WASHC4: variants seen among roughly 807,000 people sequenced by gnomAD.
WASHC4 encodes WASH complex subunit 4.
Under a neutral mutation model 166.6 loss-of-function variants are expected in WASHC4, and 86 were observed. That is an observed-to-expected ratio of 0.52 (90% CI 0.43 to 0.62). The LOEUF (loss-of-function observed/expected upper bound fraction) is 0.62. Among genes scored for constraint, WASHC4 ranks in the 20% least tolerant of loss-of-function variants. The pLI is 0.00. For synonymous variants in WASHC4, 446 were observed against 451.6 expected (o/e 0.99, Z 0.16); for missense variants, 1,262 against 1,382.4 (o/e 0.91, Z 1.38).
chr12:105,148,305 CTG>C (rs1883477707), intron 24 of WASHC4: 1 of 985,322 alleles, frequency 1.0e-6, no homozygotes, highest in Non-Finnish European at 1.2e-6. Flanking sequence ...ATAAATAAAA[CTG>C]AACTTTTGAG....
chr12:105,147,435 A>T (rs1883388897), intron 24 of WASHC4: 1 of 423,086 alleles, frequency 2.4e-6, no homozygotes, highest in East Asian at 5.1e-5. Flanking sequence ...GTGTGTGCAC[A>T]CATATATATA....
intron 4 of WASHC4, among the ~76,000 whole-genome samples, 190 bp from the exon 5 acceptor site, chr12:105,114,994 C>T (rs773897182): frequency 7.2e-5 from 11 of 151,830 alleles, no homozygotes; most frequent in Admixed American, 3.3e-4. Context: ...CAAGATACAG[C>T]TTTGAGTATC....
At chr12:105,148,758 G>C (rs980567906) in intron 24 of WASHC4, 11 of 985,272 alleles carry the variant, frequency 1.1e-5, no homozygotes, top group Non-Finnish European at 1.2e-5. Context: ...TAATACTTGA[G>C]AGTTAGTGGG....
At chr12:105,138,090 T>C in intron 15 of WASHC4, 79 bp downstream of exon 15, 1 of 1,399,396 alleles carries the variant, frequency 7.1e-7, no homozygotes, top group Non-Finnish European at 9.8e-7. Context: ...TTGTAAGGTT[T>C]GACTACATGA....
intron 26 of WASHC4, 98 bp from the exon 27 acceptor site, chr12:105,156,628 A>C (rs1431847006): frequency 1.3e-5 from 13 of 978,580 alleles, no homozygotes; most frequent in Non-Finnish European, 1.9e-5. Context: ...GGTTCTTAGG[A>C]GTGGAAACCT....
intron 7 of WASHC4, among the ~76,000 whole-genome samples, chr12:105,119,333 T>C (rs959801985): frequency 1.2e-4 from 19 of 152,320 alleles, no homozygotes; most frequent in Admixed American, 3.3e-4. Context: ...TACTTAAAAT[T>C]TTTTTTCCAC....
chr12:105,144,422 A>G lies in WASHC4; in HGVS notation c.2146A>G (p.Ile716Val), dbSNP rs1370883535. ...GGCTCTTTTTTTCTCTCTGAATCCA[A>G]TTCGGTTTTTCAATCGTTTCATTGA... ...DLALFFSLNP[I>V]RFFNRFIDIR... The change falls in exon 21 of 33, where the codon ATT becomes GTT. Residue 716 changes from isoleucine (I) to valine (V), a missense_variant. Transcript: ENST00000332180. The G allele has an allele frequency of 1.2e-6, 2 of 1,612,750 alleles. No homozygotes were observed. The highest frequency in any genetic ancestry group is 4.5e-5 in the East Asian group (2 of 44,810).
chr12:105,165,087 G>A (rs1439977924), intron 32 of WASHC4, among the ~76,000 whole-genome samples: 1 of 152,212 alleles, frequency 6.6e-6, no homozygotes, highest in Non-Finnish European at 1.5e-5. Context: ...GTTGCTGAAG[G>A]CAGAGCTGCT....
At position 105,157,242 on chromosome 12, in the gene WASHC4, T is replaced by C. The variant is rs1566028426; in HGVS notation, c.2832T>C (p.Val944=). The change falls in exon 28 of 33, where the codon GTT becomes GTC. Residue 944 remains valine (V), a synonymous_variant. Transcript: ENST00000332180. The stretch of plus-strand genomic sequence containing the variant: ...TTCCCAAATTCTTATGTAGATTTGT[T>C]CCTGATCTTGAAGATATTGTAAATT... ...LHCSSNAIRF[V]PDLEDIVNFE... is the part of the protein sequence containing the mutation. 4 of 1,499,862 alleles carry C rather than the reference T, an allele frequency of 2.7e-6. No individual in the cohort carries two copies. Among genetic ancestry groups the C allele is most frequent in the Non-Finnish European group, 3.7e-6 (4 of 1,078,942 alleles). 92.9% of individuals were successfully genotyped at this position (1,499,862 alleles called of 1,614,324 possible). A position where few individuals can be genotyped will look rare whatever the true frequency, so the allele number is the denominator to read the frequency against.
intron 6 of WASHC4, among the ~76,000 whole-genome samples, chr12:105,118,105 C>A (rs1402083576): frequency 2.0e-5 from 3 of 152,132 alleles, no homozygotes; most frequent in Non-Finnish European, 4.4e-5. Flanking sequence ...TATTGAGAAG[C>A]AGTTGAGTGT....
At position 105,127,277 on chromosome 12, in the gene WASHC4, A is replaced by G. The variant is rs750221482; in HGVS notation, c.1187A>G (p.Gln396Arg). Residue 396 changes from glutamine to arginine, a missense_variant, in exon 13 of 33, where the codon CAA (glutamine) becomes CGA (arginine). Physicochemically the swap from Gln to Arg is conservative, Grantham distance 43. Transcript: ENST00000332180. Reference protein sequence around the residue: ...HRDTFLQQKAQSLTKDVQSYY... With the variant: ...HRDTFLQQKARSLTKDVQSYY... ...GATACTTTTCTACAACAGAAAGCTC[A>G]ATCACTTACCAAGTAGGTTTTATAA... 1.9e-6 allele frequency: 3 copies of G among 1,608,224 alleles called. No individual in the cohort carries two copies. Among genetic ancestry groups the G allele is most frequent in the Non-Finnish European group, 1.7e-6 (2 of 1,174,910 alleles).
Position 105,144,846 on chromosome 12 carries a change from C to T in WASHC4, c.2308C>T (p.His770Tyr), listed in dbSNP as rs767528383. 9 of 1,613,050 alleles carry T rather than the reference C, an allele frequency of 5.6e-6. No homozygotes were observed. Among genetic ancestry groups the T allele is most frequent in the Admixed American group, 1.7e-5 (1 of 59,966 alleles). ...QRYGLVMTEA[H>Y]LPSQTLEQGL... is the part of the protein sequence containing the mutation. ...TTATGGACTGGTTATGACAGAGGCA[C>T]ATCTTCCCAGTCAGACTTTGGAACA... The change falls in exon 22 of 33, where the codon CAT becomes TAT. Residue 770 changes from histidine (H) to tyrosine (Y), a missense_variant. By Grantham distance (83) the His-to-Tyr change is moderately conservative (BLOSUM62 2). Transcript: ENST00000332180.
chr12:105,128,172 G>A (rs1409980019), intron 13 of WASHC4, among the ~76,000 whole-genome samples: 5 of 152,152 alleles, frequency 3.3e-5, no homozygotes, highest in South Asian at 2.1e-4. Context: ...TACATTGGGG[G>A]AAGGAAGATC....
chr12:105,130,403 A>G (rs1274213337), intron 13 of WASHC4, among the ~76,000 whole-genome samples: 1 of 152,216 alleles, frequency 6.6e-6, no homozygotes. Flanking sequence ...TACTAAGTGG[A>G]CAGTTGAATA....
rs1884848528 is a variant in WASHC4 at position 105,166,974 on chromosome 12, T to G, written c.*43T>G. On this transcript the variant is annotated 3_prime_UTR_variant, in exon 33 of 33. Transcript: ENST00000332180. ...GCACATATGATGAAATCATCAGAAT[T>G]GTTAAAACTTTTGCCAGTGGAATGG... 4 of 1,392,654 alleles carry G rather than the reference T, an allele frequency of 2.9e-6. No homozygotes were observed. Among genetic ancestry groups the G allele is most frequent in the Non-Finnish European group, 4.1e-6 (4 of 986,526 alleles). 86.3% of individuals were successfully genotyped at this position (1,392,654 alleles called of 1,614,324 possible).
chr12:105,149,806 G>A (rs1592905285), intron 25 of WASHC4, 57 bp downstream of exon 25: 2 of 1,491,736 alleles, frequency 1.3e-6, no homozygotes, highest in Non-Finnish European at 1.8e-6. Context: ...TATGGCAAAT[G>A]TGTATGCTAA....
Position 105,167,322 on chromosome 12 carries a change from A to G in WASHC4, c.*391A>G, listed in dbSNP as rs747343800. The G allele has an allele frequency of 1.6e-5, 3 of 191,888 alleles. No homozygotes were observed. The highest frequency in any genetic ancestry group is 3.3e-5 in the Non-Finnish European group (3 of 90,858). The allele number at this position is 191,888 out of a possible 1,614,324, so 11.9% of individuals were successfully genotyped here. A position where few individuals can be genotyped will look rare whatever the true frequency, so the allele number is the denominator to read the frequency against. ...TCATGGGAAATTCAATGCATATACT[A>G]TATACAGCCAGTAAATACATGCTTA... is the stretch of plus-strand genomic sequence containing the variant. On this transcript the variant is annotated 3_prime_UTR_variant, in exon 33 of 33. Transcript: ENST00000332180.
Position 105,127,779 on chromosome 12 carries a change from T to C in WASHC4, c.1199+490T>C, listed in dbSNP as rs556415925. Reference sequence around the variant, plus strand: ...GATAATTCTTCCCAGTTCCTTCCTGTATTTCAGTCTTGCTCTCCAAAGGCA... The same window carrying C: ...GATAATTCTTCCCAGTTCCTTCCTGCATTTCAGTCTTGCTCTCCAAAGGCA... On this transcript the variant is annotated intron_variant, in intron 13 of 32. Transcript: ENST00000332180. 3.3e-5 allele frequency among the ~76,000 whole-genome samples: 5 copies of C among 152,312 alleles called. No individual in the cohort carries two copies. The East Asian group carries it at 9.6e-4, about 29-fold the overall frequency.
chr12:105,115,925 C>A (rs1424955556), intron 6 of WASHC4, among the ~76,000 whole-genome samples, 197 bp downstream of exon 6: 1 of 152,054 alleles, frequency 6.6e-6, no homozygotes, highest in East Asian at 1.9e-4. Flanking sequence ...AAAAAGCTAT[C>A]AAAATAAGTT....
Sources: gnomAD v4.1 joint callset for allele counts (sites outside exome capture counted in the v4.1 genomes callset) on GRCh38, gnomAD v4.1.1 for gene constraint, MANE v1.5 for transcripts, NCBI Gene and HGNC (gene_info 2026-07-23, HGNC 2026-07-21) for gene names.